The following SNRPN variants were observed in gnomAD, a reference collection of about 807,000 sequenced individuals.
The protein encoded by SNRPN is small nuclear ribonucleoprotein-associated protein N.
Under a neutral mutation model 25.2 loss-of-function variants are expected in SNRPN, and 7 were observed. The ratio of observed to expected loss-of-function variants is 0.28; its 90% CI spans 0.16 to 0.52. The LOEUF (loss-of-function observed/expected upper bound fraction) is 0.52, where lower values mean the gene tolerates loss of function less well. Among genes scored for constraint, SNRPN ranks in the 20% least tolerant of loss-of-function variants. The pLI is 0.96. For missense variants in SNRPN, 196 were observed against 322.5 expected (o/e 0.61, Z 3.00); for synonymous variants, 124 against 110.6 (o/e 1.12, Z -0.76).
In SNRPN at chr15:24,978,187, C is replaced by T; in HGVS notation, c.560-6C>T. 6.2e-7 allele frequency: 1 copy of T among 1,612,146 alleles called. No homozygotes were observed. Among genetic ancestry groups the T allele is most frequent in the Non-Finnish European group, 8.5e-7 (1 of 1,179,106 alleles). ...AGGCCTTTATTTCTACCATTTTTCA[C>T]TGTAGGCATTATGGCTCCTCCACCT... On this transcript the variant is annotated splice_polypyrimidine_tract_variant and splice_region_variant and intron_variant, in intron 8 of 9. Coordinates refer to ENST00000390687, the MANE Select transcript of SNRPN (RefSeq NM_003097.6).
At chr15:24,890,621 G>C (rs1213634298) in intron 2 of SNRPN, among the ~76,000 whole-genome samples, 1 of 152,156 alleles carries the variant, frequency 6.6e-6, no homozygotes, top group Non-Finnish European at 1.5e-5. Context: ...GGAGGTTGCA[G>C]TGAGCCGAGA....
At chr15:24,877,231 AGTTCAATAATGAAT>A (rs1317809417) in intron 1 of SNRPN, among the ~76,000 whole-genome samples, 8 of 152,220 alleles carry the variant, frequency 5.3e-5, no homozygotes, top group Non-Finnish European at 1.0e-4. Context: ...GAAAGATGCT[AGTTCAATAATGAAT>A]TCTCCACCTG....
At chr15:24,864,581 T>C (rs964664229) in intron 1 of SNRPN, among the ~76,000 whole-genome samples, 9 of 151,834 alleles carry the variant, frequency 5.9e-5, no homozygotes, top group African/African-American at 2.2e-4. Context: ...TGACCTCAGG[T>C]AATCTGCCCA....
intron 1 of SNRPN, among the ~76,000 whole-genome samples, chr15:24,861,342 A>G (rs1362081846): frequency 6.6e-6 from 1 of 152,212 alleles, no homozygotes; most frequent in Non-Finnish European, 1.5e-5. Flanking sequence ...GAATACTATA[A>G]GCAATTGTAA....
intron 2 of SNRPN, among the ~76,000 whole-genome samples, chr15:24,919,335 G>A (rs549916280): frequency 1.1e-4 from 17 of 151,626 alleles, no homozygotes; most frequent in Admixed American, 2.6e-4. Context: ...GGAGGCTGAG[G>A]CAGGAGAATG....
intron 2 of SNRPN, among the ~76,000 whole-genome samples, chr15:24,964,438 G>A (rs1044342897): frequency 6.6e-5 from 10 of 152,072 alleles, no homozygotes; most frequent in Non-Finnish European, 7.4e-5. Flanking sequence ...GATTATAGGT[G>A]TGTGCCACCA....
At chr15:24,874,728 A>AATAT (rs35631592) in intron 1 of SNRPN, among the ~76,000 whole-genome samples, 1 of 151,570 alleles carries the variant, frequency 6.6e-6, no homozygotes, top group Non-Finnish European at 1.5e-5. Context: ...CAGTAGGTTG[A>AATAT]ATAATCTCAT....
chr15:24,894,863 C>G (rs1451864825), intron 2 of SNRPN, among the ~76,000 whole-genome samples: 1 of 152,170 alleles, frequency 6.6e-6, no homozygotes, highest in African/African-American at 2.4e-5. Flanking sequence ...CCAGAAACTT[C>G]TACCCTTCTC....
In SNRPN at chr15:24,872,520, C is replaced by T. The variant is rs564186088; in HGVS notation, c.-578-13996C>T. 2.2e-4 allele frequency among the ~76,000 whole-genome samples: 26 copies of T among 118,150 alleles called. 7 individuals carry two copies. Among genetic ancestry groups the T allele is most frequent in the South Asian group, 2.1e-3 (7 of 3,290 alleles). The allele number at this position is 118,150 out of a possible 152,430, so 77.5% of individuals were successfully genotyped here. A position where few individuals can be genotyped will look rare whatever the true frequency, so the allele number is the denominator to read the frequency against. On this transcript the variant is annotated intron_variant, in intron 1 of 11. Coordinates refer to the SNRPN transcript ENST00000400097. ...CAGCACTGTGGGAGGCCAAGGCGGGCGGATCACCTGAGGTTGGGAGTTCGA... is the reference window on the plus strand; with the variant it reads ...CAGCACTGTGGGAGGCCAAGGCGGGTGGATCACCTGAGGTTGGGAGTTCGA...
At chr15:24,968,964 GC>G (rs1481576669) in intron 3 of SNRPN, 1 of 151,272 alleles carries the variant, frequency 6.6e-6, no homozygotes, top group Non-Finnish European at 1.5e-5. Context: ...GTTTTAGAAT[GC>G]CCTCATTTCT....
chr15:24,906,962 G>A (rs2058842043), intron 2 of SNRPN, among the ~76,000 whole-genome samples: 1 of 152,072 alleles, frequency 6.6e-6, no homozygotes, highest in Non-Finnish European at 1.5e-5. Context: ...TGGCAGGGGA[G>A]GGCAGAGGGA....
At chr15:24,915,275 G>A (rs866674541) in intron 2 of SNRPN, among the ~76,000 whole-genome samples, 1 of 151,806 alleles carries the variant, frequency 6.6e-6, no homozygotes, top group African/African-American at 2.4e-5. Flanking sequence ...TTACAGGCGT[G>A]CACCACCATA....
chr15:24,837,389 G>A (rs1412486166), intron 2 of SNRPN, among the ~76,000 whole-genome samples: 7 of 149,734 alleles, frequency 4.7e-5, no homozygotes, highest in Non-Finnish European at 8.9e-5. Flanking sequence ...TTTTTTTGAG[G>A]TGGAGTCTCA....
chr15:24,861,529 G>A (rs907397360), intron 1 of SNRPN, among the ~76,000 whole-genome samples: 1 of 152,166 alleles, frequency 6.6e-6, no homozygotes, highest in Non-Finnish European at 1.5e-5. Context: ...TGAAGACCTA[G>A]GACATTACTG....
At chr15:24,869,606 T>C (rs2054893937) in intron 1 of SNRPN, among the ~76,000 whole-genome samples, 1 of 152,068 alleles carries the variant, frequency 6.6e-6, no homozygotes, top group Non-Finnish European at 1.5e-5. Flanking sequence ...TATACTGGAG[T>C]TGGGTTTGGG....
At chr15:24,895,393 A>G (rs1221745976) in intron 2 of SNRPN, among the ~76,000 whole-genome samples, 1 of 89,438 alleles carries the variant, frequency 1.1e-5, no homozygotes, top group Non-Finnish European at 2.1e-5. Context: ...CAGAAAAAAT[A>G]CACCCAAACA....
intron 3 of SNRPN, among the ~76,000 whole-genome samples, chr15:24,935,379 A>G (rs1169373513): frequency 6.6e-6 from 1 of 152,184 alleles, no homozygotes; most frequent in Non-Finnish European, 1.5e-5. Context: ...TGCCTGCAAA[A>G]CATTCCTGAG....
At chr15:24,927,010 C>T (rs1317723265) in intron 3 of SNRPN, among the ~76,000 whole-genome samples, 1 of 152,010 alleles carries the variant, frequency 6.6e-6, no homozygotes, top group Non-Finnish European at 1.5e-5. Flanking sequence ...GACCCTGTTG[C>T]TTAAAAGAAT....
At chr15:24,908,604 AG>A (rs2151997955) in intron 2 of SNRPN, among the ~76,000 whole-genome samples, 1 of 2,892 alleles carries the variant, frequency 3.5e-4, no homozygotes, top group East Asian at 0.062. Flanking sequence ...TGGAAAGAAC[AG>A]AACAAGGTCT....
Sources: gnomAD v4.1 joint callset for allele counts (sites outside exome capture counted in the v4.1 genomes callset) on GRCh38, gnomAD v4.1.1 for gene constraint, MANE v1.5 for transcripts, NCBI Gene and HGNC (gene_info 2026-07-23, HGNC 2026-07-21) for gene names.